Variants in WLS observed in about 807,000 individuals in gnomAD.
WLS encodes the protein Wnt ligand secretion mediator.
WLS carries 23 observed loss-of-function variants against 62.8 expected under a neutral mutation model. The ratio of observed to expected loss-of-function variants is 0.37; its 90% CI spans 0.26 to 0.52. The LOEUF (loss-of-function observed/expected upper bound fraction) is 0.52, where lower values mean the gene tolerates loss of function less well. Ranked by LOEUF, WLS falls within the 20% of genes least tolerant of loss-of-function variation. The pLI, the probability that WLS is intolerant of heterozygous loss-of-function variation, is 0.92. For synonymous variants in WLS, 246 were observed against 244.1 expected, an observed-to-expected ratio of 1.01 and a Z score of -0.07; for missense variants, 615 against 697.3, an observed-to-expected ratio of 0.88 and a Z score of 1.33.
In WLS at chr1:68,125,944, T is replaced by A; in HGVS notation, c.*282A>T. 1.8e-6 allele frequency: 2 copies of A among 1,111,106 alleles called. No individual in the cohort carries two copies. The highest frequency in any genetic ancestry group is 2.2e-6 in the Non-Finnish European group (2 of 908,866). The allele number at this position is 1,111,106 out of a possible 1,614,324, so 68.8% of individuals were successfully genotyped here. A position where few individuals can be genotyped will look rare whatever the true frequency, so the allele number is the denominator to read the frequency against. On this transcript the variant is annotated 3_prime_UTR_variant, in exon 12 of 12. Transcript: ENST00000262348. ...CCCCACATGAGGTTTACTAACCAGC[T>A]GCTACAGATGTTACTATGTCACTAA...
At chr1:68,145,166 G>A (rs1043844561) in intron 9 of WLS, among the ~76,000 whole-genome samples, 3 of 152,280 alleles carry the variant, frequency 2.0e-5, no homozygotes, top group Non-Finnish European at 4.4e-5. Flanking sequence ...AGAGAGGGAG[G>A]CCTATTATTC....
intron 1 of WLS, among the ~76,000 whole-genome samples, chr1:68,220,042 A>G (rs1169239964): frequency 1.3e-5 from 2 of 152,228 alleles, no homozygotes; most frequent in African/African-American, 2.4e-5. Flanking sequence ...TCTATGCTCT[A>G]AAGAGCCATG....
chr1:68,186,685 A>AT (rs1414800636), intron 2 of WLS: 1 of 455,942 alleles, frequency 2.2e-6, no homozygotes, highest in Non-Finnish European at 4.4e-6. Context: ...GATAAACAAT[A>AT]TAAAAAGTAG....
intron 11 of WLS, among the ~76,000 whole-genome samples, chr1:68,115,928 G>A (rs1027219565): frequency 6.6e-6 from 1 of 152,026 alleles, no homozygotes; most frequent in Non-Finnish European, 1.5e-5. Flanking sequence ...GGCAGCAGTC[G>A]TTGGCATTTT....
At chr1:68,202,250 G>A (rs1235776031) in intron 1 of WLS, 3 of 152,152 alleles carry the variant, frequency 2.0e-5, no homozygotes, top group Non-Finnish European at 4.4e-5. Flanking sequence ...CTCAAGATTG[G>A]TGCTAGTTTT....
chr1:68,118,909 G>T (rs1389774975), intron 11 of WLS, among the ~76,000 whole-genome samples: 1 of 86,656 alleles, frequency 1.2e-5, no homozygotes. Flanking sequence ...AAAAGCACCT[G>T]GCCCAATATT....
At chr1:68,164,075 T>G (rs994632299) in intron 2 of WLS, among the ~76,000 whole-genome samples, 5 of 152,250 alleles carry the variant, frequency 3.3e-5, no homozygotes, top group African/African-American at 1.2e-4. Context: ...AAACCCTCGA[T>G]GAACATCAGT....
intron 11 of WLS, among the ~76,000 whole-genome samples, chr1:68,111,261 A>T (rs1435018253): frequency 6.6e-6 from 1 of 152,232 alleles, no homozygotes; most frequent in East Asian, 1.9e-4. Context: ...ACTTGGTTCT[A>T]GCATGTTCTG....
intron 2 of WLS, chr1:68,162,303 C>T: frequency 1.2e-6 from 2 of 1,612,392 alleles, no homozygotes; most frequent in Non-Finnish European, 1.7e-6. Flanking sequence ...GGAATGCTCC[C>T]TGCCTCATCT....
intron 1 of WLS, among the ~76,000 whole-genome samples, chr1:68,196,937 C>G (rs1310106058): frequency 2.0e-5 from 3 of 152,090 alleles, no homozygotes; most frequent in Non-Finnish European, 4.4e-5. Flanking sequence ...TTAACTGAAC[C>G]CTTTTTAATG....
At chr1:68,125,077 C>T (rs775298210), downstream of WLS, among the ~76,000 whole-genome samples, 2 of 152,144 alleles carry the variant, frequency 1.3e-5, no homozygotes, top group African/African-American at 2.4e-5. Context: ...TAAAATACAA[C>T]GAAAAAGGCT....
chr1:68,184,246 C>T (rs1647773159), intron 2 of WLS, among the ~76,000 whole-genome samples: 2 of 152,176 alleles, frequency 1.3e-5, no homozygotes. Flanking sequence ...GATCTATGCA[C>T]CCAGGTTTCT....
chr1:68,169,458 G>A (rs972921819), intron 2 of WLS, among the ~76,000 whole-genome samples: 10 of 152,216 alleles, frequency 6.6e-5, no homozygotes, highest in Non-Finnish European at 7.4e-5. Flanking sequence ...AACTCAACAC[G>A]TTCACCCTGA....
At chr1:68,170,716 C>G (rs1019824240) in intron 2 of WLS, among the ~76,000 whole-genome samples, 2 of 151,956 alleles carry the variant, frequency 1.3e-5, no homozygotes, top group East Asian at 1.9e-4. Flanking sequence ...TGGCACCCCC[C>G]CCTTGCTCCC....
intron 1 of WLS, among the ~76,000 whole-genome samples, chr1:68,204,264 G>T (rs1649177426): frequency 1.3e-5 from 2 of 151,908 alleles, no homozygotes; most frequent in South Asian, 4.2e-4. Context: ...GAGGGTAGAG[G>T]TACATTTTAA....
At chr1:68,169,434 C>T (rs1195649934) in intron 2 of WLS, among the ~76,000 whole-genome samples, 1 of 152,138 alleles carries the variant, frequency 6.6e-6, no homozygotes, top group African/African-American at 2.4e-5. Context: ...TGGAGAGTAG[C>T]TCTTTCCTCA....
intron 2 of WLS, among the ~76,000 whole-genome samples, chr1:68,167,853 C>T (rs1647083803): frequency 6.6e-6 from 1 of 152,096 alleles, no homozygotes; most frequent in Non-Finnish European, 1.5e-5. Flanking sequence ...TATTTCCATC[C>T]TGTTATGGGG....
Position 68,107,049 on chromosome 1 carries a change from A to C in WLS, c.1511-8296T>G, listed in dbSNP as rs72936643. Among the ~76,000 whole-genome samples the C allele has an allele frequency of 2.5e-3, 376 of 152,348 alleles. 1 individual carries two copies. Among genetic ancestry groups the C allele is most frequent in the African/African-American group, 7.4e-3 (309 of 41,582 alleles). ...ACAGATTAGCATAAAGAAAATGATC[A>C]AAATAATCCTCATTCCTACTATTTA... On this transcript the variant is annotated intron_variant, in intron 11 of 11. Coordinates refer to the WLS transcript ENST00000354777.
intron 10 of WLS, among the ~76,000 whole-genome samples, chr1:68,142,427 T>C (rs1265986812): frequency 6.6e-6 from 1 of 152,190 alleles, no homozygotes; most frequent in Non-Finnish European, 1.5e-5. Flanking sequence ...TCTGGCTGTG[T>C]CAAGTGCCAC....
Sources: allele counts gnomAD v4.1 joint callset (sites outside exome capture counted in the v4.1 genomes callset), GRCh38; gene constraint gnomAD v4.1.1; transcripts MANE v1.5; gene names NCBI Gene and HGNC (gene_info 2026-07-23, HGNC 2026-07-21).